CNTN6: variants seen among roughly 807,000 people sequenced by gnomAD.
The protein encoded by CNTN6 is contactin-6.
CNTN6 carries 137 observed loss-of-function variants against 122.8 expected under a neutral mutation model. The observed-to-expected ratio is 1.12, with a 90% confidence interval of 0.97 to 1.29. The LOEUF is 1.29. Among genes scored for constraint, CNTN6 ranks in the 50% most tolerant of loss-of-function variants. CNTN6 has a pLI of 0.00. For synonymous variants in CNTN6, 570 were observed against 426.0 expected, an observed-to-expected ratio of 1.34 and a Z score of -4.16; for missense variants, 1,634 against 1,223.4, an observed-to-expected ratio of 1.34 and a Z score of -5.01.
chr3:1,119,711 A>G (rs2091879930), intron 1 of CNTN6, among the ~76,000 whole-genome samples: 1 of 151,964 alleles, frequency 6.6e-6, no homozygotes, highest in Non-Finnish European at 1.5e-5. Context: ...AAAATATGAA[A>G]TTGTCATTGA....
At chr3:1,398,651 C>G (rs1474476892) in intron 20 of CNTN6, among the ~76,000 whole-genome samples, 1 of 152,062 alleles carries the variant, frequency 6.6e-6, no homozygotes, top group African/African-American at 2.4e-5. Context: ...ATATATACCA[C>G]TAACCAAATG....
At chr3:1,297,219 A>G (rs9872969) in intron 6 of CNTN6, among the ~76,000 whole-genome samples, 3,424 of 152,212 alleles carry the variant, frequency 0.022, 145 homozygotes, top group African/African-American at 0.078. Flanking sequence ...TTTATTTTAG[A>G]AATGTATTAC....
chr3:1,167,733 A>G (rs1049388065), intron 2 of CNTN6, among the ~76,000 whole-genome samples: 5 of 152,294 alleles, frequency 3.3e-5, no homozygotes, highest in African/African-American at 1.2e-4. Flanking sequence ...TGGGATTTGA[A>G]TGCAGGCTGT....
At chr3:1,355,379 T>TAGAACA (rs1706383425) in intron 12 of CNTN6, among the ~76,000 whole-genome samples, 1 of 151,748 alleles carries the variant, frequency 6.6e-6, no homozygotes, top group Non-Finnish European at 1.5e-5. Flanking sequence ...AAGTCTATTA[T>TAGAACA]TACCATGTCC....
intron 2 of CNTN6, among the ~76,000 whole-genome samples, chr3:1,190,794 A>G (rs997495008): frequency 1.3e-5 from 2 of 152,134 alleles, no homozygotes; most frequent in African/African-American, 2.4e-5. Flanking sequence ...GTGACTCACT[A>G]TCTAGGGATC....
rs375773642 is a variant in CNTN6, at chr3:1,365,317, T to C, written c.1493-6982T>C. 3.3e-5 allele frequency among the ~76,000 whole-genome samples: 5 copies of C among 152,194 alleles called. No homozygotes were observed. The South Asian group carries it at 6.2e-4, about 19-fold the overall frequency. On this transcript the variant is annotated intron_variant, in intron 12 of 22. Transcript: ENST00000446702. ...TTAAAAGATTAAGGAATCTTCTTTT[T>C]AATATAACATAAAACCAGTTTTCTT... is the stretch of plus-strand genomic sequence containing the variant.
At chr3:1,216,172 C>A (rs2094128036) in intron 2 of CNTN6, among the ~76,000 whole-genome samples, 1 of 151,760 alleles carries the variant, frequency 6.6e-6, no homozygotes, top group Admixed American at 6.6e-5. Context: ...TCCTAGAAGC[C>A]CTTTTCATTG....
intron 4 of CNTN6, among the ~76,000 whole-genome samples, chr3:1,256,306 A>C (rs895154548): frequency 6.6e-6 from 1 of 152,172 alleles, no homozygotes; most frequent in Non-Finnish European, 1.5e-5. Context: ...TGTGGGTGAG[A>C]GGTAGCAATG....
At position 1,235,353 on chromosome 3, in the gene CNTN6, T is replaced by C. The variant is rs2094407779; in HGVS notation, c.358+7360T>C. On this transcript the variant is annotated intron_variant, in intron 4 of 22. Coordinates refer to ENST00000446702, the MANE Select transcript of CNTN6 (RefSeq NM_001289080.2). ...TCAAGGAATTTATGAACATAGCACA[T>C]AGAGATTTTGCTTCTAAGATTTATA... Among the ~76,000 whole-genome samples the C allele has an allele frequency of 3.3e-5, 5 of 152,220 alleles. No homozygotes were observed. The South Asian group carries it at 1.0e-3, about 32-fold the overall frequency.
chr3:1,124,071 C>G (rs1418303830), intron 1 of CNTN6, among the ~76,000 whole-genome samples: 1 of 151,850 alleles, frequency 6.6e-6, no homozygotes, highest in East Asian at 1.9e-4. Flanking sequence ...TTTTAATATT[C>G]TGTTGGACTA....
intron 1 of CNTN6, among the ~76,000 whole-genome samples, chr3:1,144,600 AT>A (rs1448267922): frequency 1.7e-5 from 2 of 116,472 alleles, no homozygotes; most frequent in Admixed American, 1.7e-4. Flanking sequence ...ATAATAAAAA[AT>A]AAAAAATAAA....
intron 2 of CNTN6, among the ~76,000 whole-genome samples, chr3:1,186,320 G>A (rs540844912): frequency 2.8e-4 from 42 of 151,922 alleles, no homozygotes; most frequent in Admixed American, 2.1e-3. Context: ...ATCTTCAGAC[G>A]TTATCGTCAG....
At chr3:1,224,517 C>T (rs2094252747) in intron 3 of CNTN6, among the ~76,000 whole-genome samples, 1 of 151,962 alleles carries the variant, frequency 6.6e-6, no homozygotes, top group South Asian at 2.1e-4. Flanking sequence ...TGTATGAAAA[C>T]ATCACATTAC....
At position 1,245,216 on chromosome 3, in the gene CNTN6, ATATATAT is replaced by A. The variant is rs1559594979; in HGVS notation, c.358+17224_358+17230del. Among the ~76,000 whole-genome samples the A allele has an allele frequency of 8.1e-5, 2 of 24,548 alleles. 1 individual carries two copies. Among genetic ancestry groups the A allele is most frequent in the Admixed American group, 8.5e-4 (2 of 2,358 alleles). 16.1% of individuals were successfully genotyped at this position (24,548 alleles called of 152,430 possible). ...AAATGTGATATATATATATATATAT[ATATATAT>A]ATATATATATATACACACACACATA... On this transcript the variant is annotated intron_variant, in intron 4 of 22. Coordinates refer to ENST00000446702, the MANE Select transcript of CNTN6 (RefSeq NM_001289080.2).
rs747701800 is a variant in CNTN6, at chr3:1,321,644, G to A, written c.762-6G>A. On this transcript the variant is annotated splice_polypyrimidine_tract_variant and splice_region_variant and intron_variant, in intron 7 of 22. Transcript: ENST00000446702. ...TCTTCTATTCTAATGAGGTGTAACTGTTTAGTCCAGTCCCCGATATTAGTT... is the reference window on the plus strand; with the variant it reads ...TCTTCTATTCTAATGAGGTGTAACTATTTAGTCCAGTCCCCGATATTAGTT... 2 of 1,609,016 alleles carry A rather than the reference G, an allele frequency of 1.2e-6. No homozygotes were observed. The highest frequency in any genetic ancestry group is 2.2e-5 in the East Asian group (1 of 44,754).
chr3:1,280,913 T>A (rs1005712943), intron 5 of CNTN6, among the ~76,000 whole-genome samples: 3 of 152,202 alleles, frequency 2.0e-5, no homozygotes, highest in African/African-American at 7.2e-5. Flanking sequence ...GCTGAATTTC[T>A]TGCCATGAGC....
At chr3:1,130,941 C>T (rs2092319814) in intron 1 of CNTN6, among the ~76,000 whole-genome samples, 1 of 152,044 alleles carries the variant, frequency 6.6e-6, no homozygotes, top group Non-Finnish European at 1.5e-5. Context: ...ACTTTGTCTC[C>T]AGAGATTCTT....
chr3:1,141,494 T>C (rs2092607544), intron 1 of CNTN6, among the ~76,000 whole-genome samples: 1 of 152,170 alleles, frequency 6.6e-6, no homozygotes, highest in African/African-American at 2.4e-5. Flanking sequence ...TATTCCTCCT[T>C]GACCATTCTA....
At chr3:1,402,687 T>C (rs1174903693) in intron 22 of CNTN6, 1 of 416,016 alleles carries the variant, frequency 2.4e-6, no homozygotes, top group Admixed American at 4.0e-5. Flanking sequence ...TTATGCTTCC[T>C]CATTTGAAAA....
Sources: gnomAD v4.1 joint callset for allele counts (sites outside exome capture counted in the v4.1 genomes callset) on GRCh38, gnomAD v4.1.1 for gene constraint, MANE v1.5 for transcripts, NCBI Gene and HGNC (gene_info 2026-07-23, HGNC 2026-07-21) for gene names.